Variants in GRID1 observed in about 807,000 individuals in gnomAD.
GRID1 encodes the protein glutamate receptor ionotropic, delta-1.
In GRID1, 28 loss-of-function variants were observed where a neutral mutation model predicts 98.0. That is an observed-to-expected ratio of 0.29 (90% CI 0.21 to 0.39). GRID1 has a LOEUF of 0.39. Among genes scored for constraint, GRID1 ranks in the 10% least tolerant of loss-of-function variants. GRID1 has a pLI of 1.00. For missense variants in GRID1, 1,111 were observed against 1,340.5 expected (o/e 0.83, Z 2.67); for synonymous variants, 553 against 538.5 (o/e 1.03, Z -0.37).
chr10:86,022,030 A>G (rs1362106102), intron 4 of GRID1, among the ~76,000 whole-genome samples: 1 of 152,208 alleles, frequency 6.6e-6, no homozygotes, highest in South Asian at 2.1e-4. Context: ...ACCGATTAAT[A>G]CCACATTTTA....
intron 4 of GRID1, among the ~76,000 whole-genome samples, chr10:86,045,662 G>A (rs925507267): frequency 3.3e-5 from 5 of 152,122 alleles, no homozygotes; most frequent in African/African-American, 1.2e-4. Flanking sequence ...TGAGATGGTG[G>A]AAGGAAGGCG....
At chr10:86,145,214 G>A (rs1458475421) in intron 3 of GRID1, among the ~76,000 whole-genome samples, 2 of 152,136 alleles carry the variant, frequency 1.3e-5, no homozygotes, top group Non-Finnish European at 2.9e-5. Context: ...GTACCTAAGA[G>A]ACTGTGGTCC....
intron 12 of GRID1, among the ~76,000 whole-genome samples, chr10:85,693,352 A>C (rs1014959960): frequency 6.6e-6 from 1 of 152,204 alleles, no homozygotes; most frequent in Non-Finnish European, 1.5e-5. Flanking sequence ...CTTTTTGTAC[A>C]GTGAAACTAT....
intron 4 of GRID1, among the ~76,000 whole-genome samples, chr10:86,079,097 C>T (rs1843928088): frequency 6.6e-6 from 1 of 152,188 alleles, no homozygotes. Flanking sequence ...CCCTGTTGTA[C>T]CCAGTACCTT....
At chr10:86,074,102 T>C (rs1266609876) in intron 4 of GRID1, among the ~76,000 whole-genome samples, 1 of 141,098 alleles carries the variant, frequency 7.1e-6, no homozygotes, top group South Asian at 2.1e-4. Flanking sequence ...ACTTTCTTTT[T>C]TATTATTTTC....
intron 12 of GRID1, among the ~76,000 whole-genome samples, chr10:85,718,452 C>T (rs768556012): frequency 3.3e-5 from 5 of 151,946 alleles, no homozygotes; most frequent in African/African-American, 4.8e-5. Flanking sequence ...GGGCCTTGCC[C>T]CCGCAGCAAA....
intron 2 of GRID1, among the ~76,000 whole-genome samples, chr10:86,355,833 GGT>G (rs1389436575): frequency 6.6e-6 from 1 of 152,232 alleles, no homozygotes; most frequent in Non-Finnish European, 1.5e-5. Flanking sequence ...AGAGATGCGT[GGT>G]CTCTGCCCCA....
intron 4 of GRID1, among the ~76,000 whole-genome samples, chr10:86,116,412 C>T (rs1375540535): frequency 6.6e-6 from 1 of 152,198 alleles, no homozygotes; most frequent in African/African-American, 2.4e-5. Flanking sequence ...TCTCCCGCAA[C>T]TCCCCAGATG....
At chr10:85,751,285 A>C (rs1842043473) in intron 8 of GRID1, among the ~76,000 whole-genome samples, 1 of 152,232 alleles carries the variant, frequency 6.6e-6, no homozygotes, top group Non-Finnish European at 1.5e-5. Flanking sequence ...TGCAAATGAA[A>C]TGAGCAGATA....
chr10:86,243,760 T>A (rs1330878601), intron 2 of GRID1, among the ~76,000 whole-genome samples: 1 of 152,162 alleles, frequency 6.6e-6, no homozygotes, highest in Non-Finnish European at 1.5e-5. Flanking sequence ...ATTAACAGCA[T>A]GGGGTTCCCA....
intron 12 of GRID1, among the ~76,000 whole-genome samples, chr10:85,655,556 T>C (rs757230722): frequency 3.2e-4 from 49 of 152,198 alleles, no homozygotes; most frequent in Admixed American, 1.2e-3. Flanking sequence ...AGATCCAAGC[T>C]AAACACCAGC....
intron 4 of GRID1, among the ~76,000 whole-genome samples, chr10:85,984,236 A>G (rs897390191): frequency 6.6e-6 from 1 of 152,046 alleles, no homozygotes; most frequent in African/African-American, 2.4e-5. Flanking sequence ...TGAGCCCCCA[A>G]TCTGGGGGCC....
chr10:85,827,174 G>T (rs1842827605), intron 8 of GRID1, among the ~76,000 whole-genome samples: 1 of 152,164 alleles, frequency 6.6e-6, no homozygotes, highest in Admixed American at 6.5e-5. Flanking sequence ...GGATAGGAAT[G>T]AAGATTATTG....
chr10:86,264,247 G>C (rs145799147), intron 2 of GRID1, among the ~76,000 whole-genome samples: 2 of 152,166 alleles, frequency 1.3e-5, no homozygotes, highest in Non-Finnish European at 2.9e-5. Flanking sequence ...CCACTCTGGA[G>C]CCTGGCCAGG....
At chr10:85,960,388 G>A (rs1417829631) in intron 4 of GRID1, among the ~76,000 whole-genome samples, 13 of 152,236 alleles carry the variant, frequency 8.5e-5, no homozygotes, top group Non-Finnish European at 1.5e-5. Context: ...GGTGCTGCCT[G>A]CAGGATGCAG....
chr10:85,820,027 AAGGC>A (rs1156384223), intron 8 of GRID1, among the ~76,000 whole-genome samples: 2,022 of 66,004 alleles, frequency 0.031, 75 homozygotes, highest in East Asian at 0.047. Context: ...GGAAGGAAGG[AAGGC>A]AGGCAGGCAG....
At chr10:85,738,021 C>T (rs1403042912) in intron 8 of GRID1, among the ~76,000 whole-genome samples, 4 of 151,906 alleles carry the variant, frequency 2.6e-5, no homozygotes, top group Admixed American at 2.6e-4. Flanking sequence ...AGTCAGGATC[C>T]CCGGGCCCTA....
intron 8 of GRID1, among the ~76,000 whole-genome samples, chr10:85,771,196 C>A (rs908939663): frequency 6.6e-6 from 1 of 152,164 alleles, no homozygotes; most frequent in Non-Finnish European, 1.5e-5. Flanking sequence ...GAATTTTCAA[C>A]CCAGAATTTC....
intron 2 of GRID1, among the ~76,000 whole-genome samples, chr10:86,338,754 C>T (rs1171485496): frequency 2.0e-5 from 3 of 152,132 alleles, no homozygotes; most frequent in Non-Finnish European, 2.9e-5. Flanking sequence ...GACAGGGTTT[C>T]GCCATGTTGG....
Sources: gnomAD v4.1 joint callset for allele counts (sites outside exome capture counted in the v4.1 genomes callset) on GRCh38, gnomAD v4.1.1 for gene constraint, MANE v1.5 for transcripts, NCBI Gene and HGNC (gene_info 2026-07-23, HGNC 2026-07-21) for gene names.